The following ADAMTS16 variants were observed in gnomAD, a reference collection of about 807,000 sequenced individuals.
ADAMTS16 encodes the protein A disintegrin and metalloproteinase with thrombospondin motifs 16.
In ADAMTS16, 94 loss-of-function variants were observed where a neutral mutation model predicts 145.8. The ratio of observed to expected loss-of-function variants is 0.64; its 90% CI spans 0.55 to 0.77. The LOEUF (loss-of-function observed/expected upper bound fraction) is 0.77. Ranked by LOEUF, ADAMTS16 falls within the 30% of genes least tolerant of loss-of-function variation. The probability of loss-of-function intolerance (pLI) is 0.00; values close to 1 mark genes in which losing one functional copy is unlikely to be tolerated. For synonymous variants in ADAMTS16, 659 were observed against 604.3 expected, an observed-to-expected ratio of 1.09 and a Z score of -1.33; for missense variants, 1,585 against 1,591.5, an observed-to-expected ratio of 1.00 and a Z score of 0.07.
Position 5,239,139 on chromosome 5 carries a change from T to C in ADAMTS16, c.2155-12T>C. The C allele has an allele frequency of 1.3e-6, 2 of 1,516,984 alleles. No homozygotes were observed. Among genetic ancestry groups the C allele is most frequent in the Non-Finnish European group, 1.8e-6 (2 of 1,133,846 alleles). The allele number at this position is 1,516,984 out of a possible 1,614,324, so 94.0% of individuals were successfully genotyped here. A position where few individuals can be genotyped will look rare whatever the true frequency, so the allele number is the denominator to read the frequency against. ...CTTTCATGAATGACATGTGACCTCA[T>C]GGGCCCTCCAGAGAGTTGGATGTGA... On this transcript the variant is annotated splice_polypyrimidine_tract_variant and intron_variant, in intron 14 of 22. Coordinates refer to ENST00000274181, the MANE Select transcript of ADAMTS16 (RefSeq NM_139056.4).
chr5:5,184,958 G>T, intron 4 of ADAMTS16, among the ~76,000 whole-genome samples: 1 of 152,188 alleles, frequency 6.6e-6, no homozygotes, highest in East Asian at 1.9e-4. Context: ...CGACACTTTC[G>T]AAGGAAGGGG....
chr5:5,210,088 C>T (rs1480743699), intron 10 of ADAMTS16, among the ~76,000 whole-genome samples: 1 of 152,320 alleles, frequency 6.6e-6, no homozygotes, highest in South Asian at 2.1e-4. Flanking sequence ...ATCTCTTCAG[C>T]TGGGGAGTCC....
intron 3 of ADAMTS16, among the ~76,000 whole-genome samples, chr5:5,148,206 T>C (rs1167385731): frequency 6.6e-6 from 1 of 152,246 alleles, no homozygotes; most frequent in South Asian, 2.1e-4. Context: ...CCAGCTTTAC[T>C]GATATTTTGT....
At chr5:5,198,215 T>A (rs1735861046) in intron 8 of ADAMTS16, among the ~76,000 whole-genome samples, 1 of 152,154 alleles carries the variant, frequency 6.6e-6, no homozygotes, top group South Asian at 2.1e-4. Context: ...GTTTGGTATT[T>A]CGTGTTCCTC....
chr5:5,280,967 A>G (rs1738883353), intron 18 of ADAMTS16, among the ~76,000 whole-genome samples: 1 of 152,236 alleles, frequency 6.6e-6, no homozygotes, highest in Non-Finnish European at 1.5e-5. Context: ...TTCATGTTTG[A>G]TAAACATACT....
intron 3 of ADAMTS16, among the ~76,000 whole-genome samples, chr5:5,172,163 G>T (rs1052986772): frequency 1.3e-5 from 2 of 151,762 alleles, no homozygotes; most frequent in African/African-American, 4.8e-5. Context: ...CTAGCTAAAG[G>T]TTCATCAATT....
chr5:5,188,075 A>G (rs1265273933), intron 6 of ADAMTS16, among the ~76,000 whole-genome samples: 1 of 152,168 alleles, frequency 6.6e-6, no homozygotes, highest in Non-Finnish European at 1.5e-5. Context: ...TGCCTTCAGC[A>G]TATAGGTGGG....
At chr5:5,163,256 C>T (rs934629461) in intron 3 of ADAMTS16, among the ~76,000 whole-genome samples, 1 of 152,060 alleles carries the variant, frequency 6.6e-6, no homozygotes, top group African/African-American at 2.4e-5. Flanking sequence ...TTTTTAGAAA[C>T]CTTTTGTTTT....
At chr5:5,286,195 G>T (rs1739093988) in intron 18 of ADAMTS16, among the ~76,000 whole-genome samples, 1 of 152,114 alleles carries the variant, frequency 6.6e-6, no homozygotes. Context: ...ACAATACTGA[G>T]CATATGTGAA....
intron 17 of ADAMTS16, among the ~76,000 whole-genome samples, chr5:5,260,179 ATTC>A (rs1284978487): frequency 1.3e-5 from 2 of 152,096 alleles, no homozygotes; most frequent in Non-Finnish European, 2.9e-5. Context: ...TCATAGAAAT[ATTC>A]TTCTTCAAGA....
chr5:5,187,087 G>A (rs1735523032), intron 5 of ADAMTS16, among the ~76,000 whole-genome samples: 1 of 152,182 alleles, frequency 6.6e-6, no homozygotes. Flanking sequence ...AGCAAGCACG[G>A]CCCTGTTGTC....
At chr5:5,183,102 A>C (rs1361280954) in intron 4 of ADAMTS16, among the ~76,000 whole-genome samples, 1 of 152,248 alleles carries the variant, frequency 6.6e-6, no homozygotes, top group Non-Finnish European at 1.5e-5. Context: ...CTACAACAAC[A>C]GAATCAGTGC....
At chr5:5,308,327 G>A (rs574655480) in intron 21 of ADAMTS16, among the ~76,000 whole-genome samples, 14 of 152,334 alleles carry the variant, frequency 9.2e-5, no homozygotes, top group Admixed American at 5.2e-4. Flanking sequence ...CACAGTGTAC[G>A]TACAGCCTTC....
chr5:5,272,644 C>T (rs1194626845), intron 18 of ADAMTS16, among the ~76,000 whole-genome samples: 1 of 152,228 alleles, frequency 6.6e-6, no homozygotes, highest in Non-Finnish European at 1.5e-5. Flanking sequence ...GGATTACAGG[C>T]GTGAGCCACT....
At chr5:5,180,705 C>G (rs1379250190) in intron 3 of ADAMTS16, among the ~76,000 whole-genome samples, 1 of 152,150 alleles carries the variant, frequency 6.6e-6, no homozygotes, top group Non-Finnish European at 1.5e-5. Flanking sequence ...CTTTTGGAAA[C>G]CCTGTAGCAT....
chr5:5,165,780 G>T (rs2126533589), intron 3 of ADAMTS16, among the ~76,000 whole-genome samples: 1 of 152,326 alleles, frequency 6.6e-6, no homozygotes, highest in African/African-American at 2.4e-5. Flanking sequence ...GAGTGAGTGT[G>T]AGTGCAAAAA....
chr5:5,222,708 T>C lies in ADAMTS16; in HGVS notation c.1606-81T>C, dbSNP rs2126347804. On this transcript the variant is annotated intron_variant, in intron 10 of 22. Coordinates refer to ENST00000274181, the MANE Select transcript of ADAMTS16 (RefSeq NM_139056.4). ...TAAATTATATCTGTTGTTTTCACCT[T>C]AAATCTCTCAGTGATATTTTTATTA... 12 of 1,196,400 alleles carry C rather than the reference T, an allele frequency of 1.0e-5. No homozygotes were observed. The South Asian group carries it at 1.5e-4, about 15-fold the overall frequency. 74.1% of individuals were successfully genotyped at this position (1,196,400 alleles called of 1,614,324 possible).
chr5:5,304,623 C>T (rs1366761666), intron 20 of ADAMTS16, among the ~76,000 whole-genome samples: 2 of 152,098 alleles, frequency 1.3e-5, no homozygotes, highest in Non-Finnish European at 2.9e-5. Context: ...CACCCTCGAA[C>T]GATGGCTTCT....
intron 13 of ADAMTS16, 47 bp from the exon 14 acceptor site, chr5:5,236,922 C>G (rs763871241): frequency 1.4e-4 from 213 of 1,560,784 alleles, no homozygotes; most frequent in Non-Finnish European, 1.7e-4. Context: ...ATGATCAGAG[C>G]TTAAGTATTT....
Sources: allele counts gnomAD v4.1 joint callset (sites outside exome capture counted in the v4.1 genomes callset), GRCh38; gene constraint gnomAD v4.1.1; transcripts MANE v1.5; gene names NCBI Gene and HGNC (gene_info 2026-07-23, HGNC 2026-07-21).